Variants in FER observed in about 807,000 individuals in gnomAD.
The protein encoded by FER is tyrosine-protein kinase Fer.
A neutral mutation model predicts 111.0 loss-of-function variants in FER; 63 were observed. The ratio of observed to expected loss-of-function variants is 0.57; its 90% CI spans 0.46 to 0.70. The LOEUF (loss-of-function observed/expected upper bound fraction) is 0.70. Ranked by LOEUF, FER falls within the 30% of genes least tolerant of loss-of-function variation. The probability of loss-of-function intolerance (pLI) is 0.00; values close to 1 mark genes in which losing one functional copy is unlikely to be tolerated. For synonymous variants in FER, 327 were observed against 313.9 expected (o/e 1.04, Z -0.44); for missense variants, 914 against 954.0 (o/e 0.96, Z 0.55).
intron 9 of FER, among the ~76,000 whole-genome samples, chr5:108,884,512 G>GTTTTTTTTTTT (rs776345488): frequency 8.3e-5 from 12 of 144,524 alleles, no homozygotes; most frequent in African/African-American, 2.6e-4. Context: ...CTTATGCCTG[G>GTTTTTTTTTTT]TTTTTTTTTT....
At chr5:108,924,617 A>T in intron 10 of FER, 1 of 1,231,358 alleles carries the variant, frequency 8.1e-7, no homozygotes, top group African/African-American at 1.6e-5. Context: ...TGGTAAATTG[A>T]CTTCCTTGGG....
intron 13 of FER, among the ~76,000 whole-genome samples, chr5:108,970,792 G>A (rs559585241): frequency 6.6e-6 from 1 of 152,220 alleles, no homozygotes; most frequent in South Asian, 2.1e-4. Context: ...TTCTAGGCCT[G>A]TTTTAAGTCA....
At chr5:109,111,722 A>G (rs1053288756) in intron 17 of FER, among the ~76,000 whole-genome samples, 2 of 152,094 alleles carry the variant, frequency 1.3e-5, no homozygotes, top group African/African-American at 2.4e-5. Context: ...TTCTTCACAT[A>G]GCAGCAGGAG....
rs1014704224 is a variant in FER at position 108,847,893 on chromosome 5, TA to T, written c.481+12087del. Among the ~76,000 whole-genome samples, 8 of 152,300 alleles carry T rather than the reference TA, an allele frequency of 5.3e-5. No homozygotes were observed. The East Asian group carries it at 1.3e-3, about 26-fold the overall frequency. Reference sequence around the variant, plus strand: ...CTTTTTCCTTTTTTACTTTATATTTTATTTTTTTTACAACAGGGTCTCACTC... The same window carrying T: ...CTTTTTCCTTTTTTACTTTATATTTTTTTTTTTTACAACAGGGTCTCACTC... On this transcript the variant is annotated intron_variant, in intron 5 of 19. Coordinates refer to ENST00000281092, the MANE Select transcript of FER (RefSeq NM_005246.4).
At chr5:108,762,450 A>G (rs1751866484) in intron 1 of FER, among the ~76,000 whole-genome samples, 1 of 152,182 alleles carries the variant, frequency 6.6e-6, no homozygotes, top group Non-Finnish European at 1.5e-5. Context: ...CTTCTGCATG[A>G]TTCCTAAAAA....
intron 10 of FER, among the ~76,000 whole-genome samples, chr5:108,916,263 C>T (rs931737702): frequency 1.3e-5 from 2 of 151,998 alleles, no homozygotes; most frequent in Admixed American, 1.3e-4. Context: ...TAGGAAAATT[C>T]ATTATTATAC....
chr5:108,912,426 A>G (rs1363942591), intron 10 of FER, among the ~76,000 whole-genome samples: 1 of 152,158 alleles, frequency 6.6e-6, no homozygotes, highest in Non-Finnish European at 1.5e-5. Flanking sequence ...CAGTGGCACA[A>G]TCTTGGCTCA....
intron 5 of FER, among the ~76,000 whole-genome samples, chr5:108,843,583 G>T (rs1468590864): frequency 6.7e-6 from 1 of 149,812 alleles, no homozygotes; most frequent in Non-Finnish European, 1.5e-5. Context: ...AGGCTGGAGT[G>T]CAGTGGTGTG....
chr5:108,981,237 AAGTC>A (rs1369390014), intron 13 of FER, among the ~76,000 whole-genome samples: 1 of 152,046 alleles, frequency 6.6e-6, no homozygotes, highest in African/African-American at 2.4e-5. Context: ...ACATAGGAAA[AAGTC>A]AGAGCATATT....
intron 10 of FER, among the ~76,000 whole-genome samples, chr5:108,931,641 C>T (rs946717340): frequency 5.9e-5 from 9 of 152,026 alleles, no homozygotes; most frequent in Non-Finnish European, 1.3e-4. Flanking sequence ...ACCAGCCTGG[C>T]CAACATGGTG....
chr5:108,968,780 A>G (rs913474673), intron 13 of FER, among the ~76,000 whole-genome samples: 1 of 152,210 alleles, frequency 6.6e-6, no homozygotes, highest in Non-Finnish European at 1.5e-5. Context: ...TTGTTAATAT[A>G]ATCAATACAA....
In FER at chr5:108,937,813, C is replaced by T. The variant is rs1044015668; in HGVS notation, c.1237-8317C>T. On this transcript the variant is annotated intron_variant, in intron 10 of 19. Coordinates refer to ENST00000281092, the MANE Select transcript of FER (RefSeq NM_005246.4). The stretch of plus-strand genomic sequence containing the variant: ...CTGCTTTGGTGTAGTTATGGGGTGA[C>T]AGCCAAATAAGAGCAGATTGAGGAA... Among the ~76,000 whole-genome samples, 3 of 151,728 alleles carry T rather than the reference C, an allele frequency of 2.0e-5. No homozygotes were observed. In the East Asian group the frequency reaches 5.8e-4, roughly 29 times the overall value.
chr5:109,128,779 A>G (rs1313950720), intron 17 of FER, among the ~76,000 whole-genome samples: 2 of 152,134 alleles, frequency 1.3e-5, no homozygotes, highest in Non-Finnish European at 2.9e-5. Context: ...CATACATTTA[A>G]TATATTTTCA....
intron 8 of FER, among the ~76,000 whole-genome samples, chr5:108,875,031 T>C (rs1764948593): frequency 6.6e-6 from 1 of 152,162 alleles, no homozygotes; most frequent in Admixed American, 6.6e-5. Flanking sequence ...CACTATGACA[T>C]GTACCTGATA....
intron 13 of FER, among the ~76,000 whole-genome samples, chr5:109,036,437 A>C (rs1353627885): frequency 6.6e-6 from 1 of 152,250 alleles, no homozygotes; most frequent in East Asian, 1.9e-4. Flanking sequence ...GACATTTTAA[A>C]GTCATAGTTA....
chr5:109,051,593 T>G (rs1561829591), intron 16 of FER: 1 of 1,606,538 alleles, frequency 6.2e-7, no homozygotes, highest in African/African-American at 1.3e-5. Context: ...CTGTCGCCAT[T>G]AACCAGCTTG....
At chr5:108,942,928 C>T (rs754084752) in intron 10 of FER, among the ~76,000 whole-genome samples, 5 of 151,998 alleles carry the variant, frequency 3.3e-5, no homozygotes, top group Non-Finnish European at 7.4e-5. Context: ...TTCTTATTGC[C>T]TCCTGATTTT....
At chr5:108,998,428 T>C (rs1381576130) in intron 13 of FER, among the ~76,000 whole-genome samples, 2 of 152,272 alleles carry the variant, frequency 1.3e-5, no homozygotes, top group East Asian at 3.9e-4. Context: ...TTGTGCTTCC[T>C]GGGTGAGGCG....
intron 13 of FER, among the ~76,000 whole-genome samples, chr5:109,034,652 T>C (rs536920091): frequency 4.4e-4 from 67 of 152,228 alleles, no homozygotes; most frequent in Non-Finnish European, 7.1e-4. Flanking sequence ...AATGGATGTT[T>C]AGGGGTTTTC....
Sources: gnomAD v4.1 joint callset for allele counts (sites outside exome capture counted in the v4.1 genomes callset) on GRCh38, gnomAD v4.1.1 for gene constraint, MANE v1.5 for transcripts, NCBI Gene and HGNC (gene_info 2026-07-23, HGNC 2026-07-21) for gene names.